The following PRKG1 variants were observed in gnomAD, a reference collection of about 807,000 sequenced individuals.
PRKG1 encodes the protein cGMP-dependent protein kinase 1.
A neutral mutation model predicts 88.1 loss-of-function variants in PRKG1; 35 were observed. The observed-to-expected ratio is 0.40, with a 90% CI of 0.30 to 0.53. PRKG1 has a LOEUF of 0.53. Ranked by LOEUF, PRKG1 falls within the 20% of genes least tolerant of loss-of-function variation. The pLI is 0.59. For missense variants in PRKG1, 540 were observed against 839.8 expected, an observed-to-expected ratio of 0.64 and a Z score of 4.41; for synonymous variants, 303 against 292.5, an observed-to-expected ratio of 1.04 and a Z score of -0.37.
At chr10:51,272,706 C>G (rs1274021083) in intron 2 of PRKG1, among the ~76,000 whole-genome samples, 1 of 152,126 alleles carries the variant, frequency 6.6e-6, no homozygotes, top group South Asian at 2.1e-4. Context: ...GGAAATTTGT[C>G]TTAGTCTTGG....
rs142108645 is a variant in PRKG1 at position 52,190,941 on chromosome 10, C to T, written c.1076+28978C>T. On this transcript the variant is annotated intron_variant, in intron 9 of 17. Coordinates refer to ENST00000373980, the MANE Select transcript of PRKG1 (RefSeq NM_006258.4). ...ATCCTTCTATATGTATCTTCTAAAACTACTGACACTTTCCTACATAATCAC... is the reference window on the plus strand; with the variant it reads ...ATCCTTCTATATGTATCTTCTAAAATTACTGACACTTTCCTACATAATCAC... 1.9e-3 allele frequency among the ~76,000 whole-genome samples: 296 copies of T among 152,292 alleles called. 1 individual carries two copies. The highest frequency in any genetic ancestry group is 6.3e-3 in the African/African-American group (260 of 41,562).
intron 5 of PRKG1, among the ~76,000 whole-genome samples, chr10:51,934,252 AT>A (rs1842755910): frequency 8.7e-6 from 1 of 115,502 alleles, no homozygotes; most frequent in Admixed American, 8.3e-5. Context: ...TTACACACAC[AT>A]ACCCCCCCCC....
chr10:52,290,333 G>A (rs923973094), intron 17 of PRKG1, 43 bp downstream of exon 17: 2 of 1,451,018 alleles, frequency 1.4e-6, no homozygotes, highest in South Asian at 1.2e-5. Flanking sequence ...CATAATTGAT[G>A]GTGTTTATGT....
intron 2 of PRKG1, among the ~76,000 whole-genome samples, chr10:51,260,472 G>T (rs948891729): frequency 2.0e-5 from 3 of 151,900 alleles, no homozygotes; most frequent in African/African-American, 4.8e-5. Flanking sequence ...AATACCAATG[G>T]TCTCTCTAGG....
intron 5 of PRKG1, among the ~76,000 whole-genome samples, chr10:51,915,980 T>C (rs2132966680): frequency 6.6e-6 from 1 of 152,224 alleles, no homozygotes; most frequent in Admixed American, 6.5e-5. Flanking sequence ...TATAGAGAAA[T>C]TTGAACCTTT....
At chr10:52,269,943 G>A (rs765649799) in intron 10 of PRKG1, among the ~76,000 whole-genome samples, 4 of 152,100 alleles carry the variant, frequency 2.6e-5, no homozygotes, top group Admixed American at 6.6e-5. Flanking sequence ...CACATTGAAA[G>A]ATATTAAGCC....
chr10:51,554,003 G>GTA lies in PRKG1; in HGVS notation c.592+86167_592+86168insTA, dbSNP rs1354761846. ...TATTATATATGCGTATGTGATACGT[G>GTA]CATATTATATGTGCGTATGTGATAC... On this transcript the variant is annotated intron_variant, in intron 3 of 17. Coordinates refer to ENST00000373980, the MANE Select transcript of PRKG1 (RefSeq NM_006258.4). 6.1e-5 allele frequency among the ~76,000 whole-genome samples: 9 copies of GTA among 146,728 alleles called. 1 individual carries two copies. The highest frequency in any genetic ancestry group is 2.1e-4 in the South Asian group (1 of 4,676).
chr10:51,435,296 T>C (rs1285295685), intron 2 of PRKG1, among the ~76,000 whole-genome samples: 1 of 151,988 alleles, frequency 6.6e-6, no homozygotes, highest in Non-Finnish European at 1.5e-5. Flanking sequence ...AAGTAGTGTT[T>C]CATGGCTTTA....
intron 2 of PRKG1, among the ~76,000 whole-genome samples, chr10:51,389,618 T>C (rs1241233177): frequency 2.6e-5 from 4 of 152,118 alleles, no homozygotes; most frequent in African/African-American, 9.7e-5. Flanking sequence ...CCAACTTAGT[T>C]AAGCTCCCTT....
intron 3 of PRKG1, among the ~76,000 whole-genome samples, chr10:51,768,357 A>G (rs1311024559): frequency 1.3e-5 from 2 of 152,162 alleles, no homozygotes; most frequent in African/African-American, 4.8e-5. Flanking sequence ...AATTTCAGCA[A>G]AATACTTTTT....
intron 5 of PRKG1, among the ~76,000 whole-genome samples, chr10:51,957,541 T>C (rs900132963): frequency 6.6e-6 from 1 of 152,122 alleles, no homozygotes; most frequent in African/African-American, 2.4e-5. Context: ...AATCTTCCCA[T>C]ACTGGCTTCC....
At chr10:51,952,391 GT>G (rs1286413141) in intron 5 of PRKG1, among the ~76,000 whole-genome samples, 1 of 152,134 alleles carries the variant, frequency 6.6e-6, no homozygotes, top group Non-Finnish European at 1.5e-5. Context: ...GACATTTAGG[GT>G]TGGAGTCTGA....
intron 9 of PRKG1, among the ~76,000 whole-genome samples, chr10:52,241,413 C>G (rs1241528909): frequency 6.6e-6 from 1 of 152,140 alleles, no homozygotes; most frequent in African/African-American, 2.4e-5. Flanking sequence ...GCAAACCCTT[C>G]GTTTTGCAGA....
intron 9 of PRKG1, among the ~76,000 whole-genome samples, chr10:52,189,025 GTTAT>G (rs1283965270): frequency 6.6e-6 from 1 of 152,126 alleles, no homozygotes; most frequent in African/African-American, 2.4e-5. Flanking sequence ...TTATTGTGAG[GTTAT>G]TTAATAAGAA....
chr10:51,111,308 A>G (rs768005823), intron 1 of PRKG1, among the ~76,000 whole-genome samples: 7 of 152,176 alleles, frequency 4.6e-5, no homozygotes, highest in Non-Finnish European at 8.8e-5. Flanking sequence ...GTAGATTTAT[A>G]TATTTATGAG....
chr10:52,049,267 T>C (rs1904006), intron 5 of PRKG1, among the ~76,000 whole-genome samples: 24,423 of 151,884 alleles, frequency 0.16, 2,489 homozygotes, highest in South Asian at 0.26. Context: ...AGCAAGATAA[T>C]GTCAAAAATC....
intron 2 of PRKG1, among the ~76,000 whole-genome samples, chr10:51,246,015 C>T (rs975929737): frequency 3.9e-5 from 6 of 151,964 alleles, no homozygotes; most frequent in African/African-American, 1.4e-4. Flanking sequence ...ATGGCTGAGA[C>T]AGTACATTGG....
intron 4 of PRKG1, among the ~76,000 whole-genome samples, chr10:51,877,850 C>T (rs887187651): frequency 6.6e-6 from 1 of 152,154 alleles, no homozygotes; most frequent in Non-Finnish European, 1.5e-5. Context: ...ATGGTGGCAG[C>T]ATCCAGATTA....
At chr10:52,218,945 G>T (rs1840179119) in intron 9 of PRKG1, among the ~76,000 whole-genome samples, 2 of 151,984 alleles carry the variant, frequency 1.3e-5, no homozygotes, top group Non-Finnish European at 2.9e-5. Flanking sequence ...TTTCTGTGTT[G>T]AACCAAAGCT....
Sources: gnomAD v4.1 joint callset for allele counts (sites outside exome capture counted in the v4.1 genomes callset) on GRCh38, gnomAD v4.1.1 for gene constraint, MANE v1.5 for transcripts, NCBI Gene and HGNC (gene_info 2026-07-23, HGNC 2026-07-21) for gene names.